Variants in ZNF644 observed in about 807,000 individuals in gnomAD.
ZNF644 encodes zinc finger motif enhancer binding protein 2.
A neutral mutation model predicts 108.0 loss-of-function variants in ZNF644; 20 were observed. That is an observed-to-expected ratio of 0.19 (90% CI 0.13 to 0.27). The LOEUF (loss-of-function observed/expected upper bound fraction) is 0.27, where lower values mean the gene tolerates loss of function less well. Among genes scored for constraint, ZNF644 ranks in the 10% least tolerant of loss-of-function variants. The pLI is 1.00. For synonymous variants in ZNF644, 542 were observed against 539.1 expected, an observed-to-expected ratio of 1.01 and a Z score of -0.08; for missense variants, 1,338 against 1,548.9, an observed-to-expected ratio of 0.86 and a Z score of 2.29.
At chr1:90,970,887 C>T (rs1255066466) in intron 2 of ZNF644, among the ~76,000 whole-genome samples, 1 of 150,936 alleles carries the variant, frequency 6.6e-6, no homozygotes, top group East Asian at 2.0e-4. Context: ...GTAGTTCCAG[C>T]TACTCAGAAG....
At chr1:91,011,173 A>G (rs905978525) in intron 1 of ZNF644, among the ~76,000 whole-genome samples, 1 of 152,176 alleles carries the variant, frequency 6.6e-6, no homozygotes, top group Non-Finnish European at 1.5e-5. Context: ...AAAAGCTACA[A>G]TAAGAAAAGT....
chr1:90,995,185 T>C (rs973753488), intron 1 of ZNF644, among the ~76,000 whole-genome samples: 6 of 151,948 alleles, frequency 3.9e-5, no homozygotes, highest in East Asian at 1.9e-4. Flanking sequence ...TTAAAAGAAA[T>C]TATGTTCAAA....
At chr1:90,953,180 CT>C (rs1423803661) in intron 2 of ZNF644, among the ~76,000 whole-genome samples, 2 of 152,144 alleles carry the variant, frequency 1.3e-5, no homozygotes, top group Admixed American at 6.5e-5. Flanking sequence ...ATCTCCCCCC[CT>C]CATTAAAATG....
At chr1:90,958,548 C>G (rs777742832) in intron 2 of ZNF644, among the ~76,000 whole-genome samples, 2 of 152,010 alleles carry the variant, frequency 1.3e-5, no homozygotes, top group African/African-American at 4.8e-5. Context: ...AGAAGGAGTA[C>G]TCACACTCCC....
At position 90,939,954 on chromosome 1, in the gene ZNF644, A is replaced by G. The variant is rs755610859; in HGVS notation, c.1400T>C (p.Met467Thr). 6.2e-6 allele frequency: 10 copies of G among 1,614,024 alleles called. No individual in the cohort carries two copies. Among genetic ancestry groups the G allele is most frequent in the East Asian group, 2.2e-5 (1 of 44,878 alleles). Residue 467 changes from methionine to threonine, a missense_variant, in exon 3 of 6, where the codon ATG becomes ACG. Met to Thr is a moderately conservative substitution (Grantham distance 81). Coordinates refer to ENST00000337393, the MANE Select transcript of ZNF644 (RefSeq NM_201269.3). ...CTGTCTTCTCTCCTGGTGAATAATC[A>G]TATGTTTTAGAAGTGAATTGCGATC... is the stretch of plus-strand genomic sequence containing the variant. ...FRDRNSLLKH[M>T]IIHQERRQKL...
At chr1:90,969,409 T>C (rs931647840) in intron 2 of ZNF644, among the ~76,000 whole-genome samples, 2 of 152,224 alleles carry the variant, frequency 1.3e-5, no homozygotes, top group African/African-American at 4.8e-5. Context: ...TGTGGTACAA[T>C]AGTCACCCCT....
rs775509437 is a variant in ZNF644 at position 91,001,440 on chromosome 1, GATT to G, written c.-17-19073_-17-19071del. 2.5e-3 allele frequency among the ~76,000 whole-genome samples: 385 copies of G among 152,240 alleles called. 2 individuals carry two copies. Among genetic ancestry groups the G allele is most frequent in the Non-Finnish European group, 3.6e-3 (244 of 68,016 alleles). On this transcript the variant is annotated intron_variant, in intron 1 of 5. Coordinates refer to ENST00000337393, the MANE Select transcript of ZNF644 (RefSeq NM_201269.3). The stretch of plus-strand genomic sequence containing the variant: ...ACAGAACCAAAGACAAAAACCACAT[GATT>G]ATCTCAATAGATGCAGAAAAGGCCT...
At chr1:90,976,266 T>G (rs369166315) in intron 2 of ZNF644, among the ~76,000 whole-genome samples, 8 of 152,202 alleles carry the variant, frequency 5.3e-5, no homozygotes, top group African/African-American at 1.9e-4. Flanking sequence ...AACGTCCTCC[T>G]CAGGCCTACT....
chr1:90,958,015 A>G (rs972060345), intron 2 of ZNF644, among the ~76,000 whole-genome samples: 1 of 152,036 alleles, frequency 6.6e-6, no homozygotes, highest in African/African-American at 2.4e-5. Flanking sequence ...AAATAAATCC[A>G]TTTGCAATAG....
In ZNF644 at chr1:90,942,305, A is replaced by G. The variant is rs148458524; in HGVS notation, c.45-996T>C. Among the ~76,000 whole-genome samples the G allele has an allele frequency of 6.0e-3, 920 of 152,340 alleles. 2 individuals are homozygous for G. Among genetic ancestry groups the G allele is most frequent in the Non-Finnish European group, 0.01 (713 of 68,026 alleles). ...TTTAATCATTATGAGAAAAAAGTAC[A>G]ATATTTTTAAAGGAAACAGTATTTC... On this transcript the variant is annotated intron_variant, in intron 2 of 5. Coordinates refer to ENST00000337393, the MANE Select transcript of ZNF644 (RefSeq NM_201269.3).
rs768885017 is a variant in ZNF644, at chr1:90,937,712, T to C, written c.3461A>G (p.Asp1154Gly). 1.1e-5 allele frequency: 18 copies of C among 1,613,824 alleles called. No homozygotes were observed. Among genetic ancestry groups the C allele is most frequent in the Non-Finnish European group, 1.4e-5 (17 of 1,179,900 alleles). The change falls in exon 4 of 6, where the codon GAT becomes GGT. Residue 1154 changes from aspartate (D) to glycine (G), a missense_variant. Coordinates refer to ENST00000337393, the MANE Select transcript of ZNF644 (RefSeq NM_201269.3). ...EEGLNFLNEYDETKPELPSGK... is the reference protein window; with the variant it reads ...EEGLNFLNEYGETKPELPSGK... ...ACTGGGCAGTTCTGGTTTTGTTTCA[T>C]CATATTCATTTAAGAAATTCAGCCC...
chr1:90,946,965 T>C (rs1454309355), intron 2 of ZNF644, among the ~76,000 whole-genome samples: 3 of 152,056 alleles, frequency 2.0e-5, no homozygotes, highest in Non-Finnish European at 4.4e-5. Context: ...AAATACTAAA[T>C]ATAATCTAAC....
At chr1:91,020,688 T>A (rs1557673952) in intron 1 of ZNF644, 1 of 152,210 alleles carries the variant, frequency 6.6e-6, no homozygotes, top group Non-Finnish European at 1.5e-5. Context: ...GAAACTTTAG[T>A]TGTCTATTTT....
chr1:90,998,032 T>C (rs1570542218), intron 1 of ZNF644, among the ~76,000 whole-genome samples: 1 of 152,042 alleles, frequency 6.6e-6, no homozygotes, highest in African/African-American at 2.4e-5. Context: ...CTTGAGTAGG[T>C]AAACAAAGCG....
In ZNF644 at chr1:90,915,862, T is replaced by C. The variant is rs1158347775; in HGVS notation, c.*936A>G. On this transcript the variant is annotated 3_prime_UTR_variant, in exon 6 of 6. Coordinates refer to ENST00000337393, the MANE Select transcript of ZNF644 (RefSeq NM_201269.3). ...AAATGAGAACGTCTATTCTAAACTG[T>C]GTAGTGAGCATTGTTTATTAATTAC... 1 of 152,596 alleles carries C rather than the reference T, an allele frequency of 6.6e-6. No individual in the cohort carries two copies. Among genetic ancestry groups the C allele is most frequent in the Non-Finnish European group, 1.5e-5 (1 of 67,998 alleles). The allele number at this position is 152,596 out of a possible 1,614,324, so 9.5% of individuals were successfully genotyped here.
intron 1 of ZNF644, among the ~76,000 whole-genome samples, chr1:91,003,215 T>G (rs1659061926): frequency 1.3e-5 from 2 of 152,076 alleles, no homozygotes. Context: ...CATGCTGCTA[T>G]AAAGACACAT....
chr1:91,009,909 T>C (rs1659792376), intron 1 of ZNF644, among the ~76,000 whole-genome samples: 1 of 152,182 alleles, frequency 6.6e-6, no homozygotes, highest in African/African-American at 2.4e-5. Flanking sequence ...CACTACAAAC[T>C]GAGGAGCCAC....
intron 2 of ZNF644, among the ~76,000 whole-genome samples, chr1:90,944,745 C>A (rs773862351): frequency 1.3e-5 from 2 of 152,128 alleles, no homozygotes; most frequent in Non-Finnish European, 2.9e-5. Flanking sequence ...GCATTTACTA[C>A]AAGTAGATTA....
intron 1 of ZNF644, among the ~76,000 whole-genome samples, chr1:90,987,486 TA>T (rs1272596666): frequency 6.6e-6 from 1 of 151,590 alleles, no homozygotes; most frequent in Non-Finnish European, 1.5e-5. Flanking sequence ...ACATGAAAAA[TA>T]AAAACTCTGA....
Sources: allele counts gnomAD v4.1 joint callset (sites outside exome capture counted in the v4.1 genomes callset), GRCh38; gene constraint gnomAD v4.1.1; transcripts MANE v1.5; gene names NCBI Gene and HGNC (gene_info 2026-07-23, HGNC 2026-07-21).